Variants in FMNL2 observed in about 807,000 individuals in gnomAD.
The protein encoded by FMNL2 is formin like 2, also known as formin-like protein 2.
FMNL2 carries 51 observed loss-of-function variants against 130.2 expected under a neutral mutation model. The observed-to-expected ratio is 0.39, with a 90% CI of 0.31 to 0.49. The LOEUF is 0.49. Ranked by LOEUF, FMNL2 falls within the 20% of genes least tolerant of loss-of-function variation. The pLI is 0.85. For missense variants in FMNL2, 977 were observed against 1,316.2 expected, an observed-to-expected ratio of 0.74 and a Z score of 3.99; for synonymous variants, 465 against 467.1, an observed-to-expected ratio of 1.00 and a Z score of 0.06.
At chr2:152,411,250 A>G (rs1686276380) in intron 1 of FMNL2, among the ~76,000 whole-genome samples, 1 of 151,886 alleles carries the variant, frequency 6.6e-6, no homozygotes, top group Admixed American at 6.6e-5. Flanking sequence ...GGTAAATTAT[A>G]CTCCCTAATA....
rs114360793 is a variant in FMNL2, at chr2:152,537,228, C to A, written c.202-5511C>A. On this transcript the variant is annotated intron_variant, in intron 2 of 25. Coordinates refer to ENST00000288670, the MANE Select transcript of FMNL2 (RefSeq NM_052905.4). ...TAATTAATTTACTACACCCCTGTCACAGCCCGTCACTTAGTTCTTTTCACA... is the reference window on the plus strand; with the variant it reads ...TAATTAATTTACTACACCCCTGTCAAAGCCCGTCACTTAGTTCTTTTCACA... Among the ~76,000 whole-genome samples the A allele has an allele frequency of 8.5e-3, 1,289 of 152,344 alleles. 18 individuals carry two copies. Among genetic ancestry groups the A allele is most frequent in the African/African-American group, 0.028 (1,179 of 41,580 alleles).
intron 2 of FMNL2, among the ~76,000 whole-genome samples, chr2:152,523,605 A>G (rs565852371): frequency 2.6e-5 from 4 of 152,376 alleles, no homozygotes; most frequent in East Asian, 1.9e-4. Context: ...TCTCTATGCT[A>G]TAGGCATTGT....
intron 1 of FMNL2, among the ~76,000 whole-genome samples, chr2:152,437,298 G>A (rs1687819661): frequency 6.6e-6 from 1 of 152,112 alleles, no homozygotes; most frequent in African/African-American, 2.4e-5. Flanking sequence ...CATTTGATTT[G>A]CTGCTCTGTA....
chr2:152,633,350 C>T (rs1682313039), intron 21 of FMNL2, among the ~76,000 whole-genome samples: 1 of 152,188 alleles, frequency 6.6e-6, no homozygotes, highest in African/African-American at 2.4e-5. Context: ...CTCGCCTCAG[C>T]CTCCTAAAGT....
chr2:152,507,349 A>T (rs570438054), intron 1 of FMNL2, among the ~76,000 whole-genome samples: 5 of 152,270 alleles, frequency 3.3e-5, no homozygotes, highest in Admixed American at 2.6e-4. Flanking sequence ...CCAGCACTTT[A>T]CCCCTCCCTT....
intron 1 of FMNL2, among the ~76,000 whole-genome samples, chr2:152,366,064 T>C (rs538713670): frequency 2.4e-4 from 37 of 152,166 alleles, no homozygotes; most frequent in Admixed American, 8.5e-4. Flanking sequence ...CCTTGATCTG[T>C]AGAATGATGG....
intron 9 of FMNL2, 33 bp downstream of exon 9, chr2:152,581,082 C>A: frequency 6.4e-7 from 1 of 1,555,886 alleles, no homozygotes; most frequent in Non-Finnish European, 8.9e-7. Flanking sequence ...TAAGAATACT[C>A]ACACATCTTA....
At chr2:152,335,782 A>G (rs985958947) in intron 1 of FMNL2, 62 bp downstream of exon 1, 12 of 1,193,906 alleles carry the variant, frequency 1.0e-5, no homozygotes, top group Middle Eastern at 2.7e-4. Flanking sequence ...GGCGCAGCTG[A>G]CCCCCGCCCC....
intron 1 of FMNL2, among the ~76,000 whole-genome samples, chr2:152,338,533 A>T (rs1681607672): frequency 6.6e-6 from 1 of 152,126 alleles, no homozygotes; most frequent in Admixed American, 6.5e-5. Flanking sequence ...GAATATAAAA[A>T]ATTAGTGGGT....
chr2:152,637,371 T>C lies in FMNL2; in HGVS notation c.2845-202T>C, dbSNP rs561284920. On this transcript the variant is annotated intron_variant, in intron 22 of 25. Transcript: ENST00000288670. ...CAGATGAATTCCTGTGCCCCACTAT[T>C]GCATTCCTCGGATTGCCTCTGCTGA... Among the ~76,000 whole-genome samples the C allele has an allele frequency of 9.0e-4, 137 of 152,322 alleles. 1 individual carries two copies. The highest frequency in any genetic ancestry group is 3.2e-3 in the African/African-American group (133 of 41,576).
At position 152,442,321 on chromosome 2, in the gene FMNL2, G is replaced by A. The variant is rs538005137; in HGVS notation, c.118-79622G>A. On this transcript the variant is annotated intron_variant, in intron 1 of 25. Coordinates refer to ENST00000288670, the MANE Select transcript of FMNL2 (RefSeq NM_052905.4). ...GGCTGGAGTGCAATGGCGCGATCTTGGCTTACTGCGACCTCCTTCTCCCGG... is the reference window on the plus strand; with the variant it reads ...GGCTGGAGTGCAATGGCGCGATCTTAGCTTACTGCGACCTCCTTCTCCCGG... Among the ~76,000 whole-genome samples the A allele has an allele frequency of 6.0e-5, 9 of 150,742 alleles. No individual in the cohort carries two copies. The East Asian group carries it at 1.8e-3, about 29-fold the overall frequency.
At chr2:152,585,105 G>A (rs1050433855) in intron 9 of FMNL2, among the ~76,000 whole-genome samples, 14 of 152,278 alleles carry the variant, frequency 9.2e-5, no homozygotes, top group Non-Finnish European at 2.1e-4. Context: ...TGAGTGTATT[G>A]AGTAGATGAA....
chr2:152,647,957 C>A lies in FMNL2; in HGVS notation c.*52C>A. 5.6e-6 allele frequency: 8 copies of A among 1,424,582 alleles called. 1 individual carries two copies. In the South Asian group the frequency reaches 7.7e-5, roughly 14 times the overall value. 88.2% of individuals were successfully genotyped at this position (1,424,582 alleles called of 1,614,324 possible). A position where few individuals can be genotyped will look rare whatever the true frequency, so the allele number is the denominator to read the frequency against. Reference sequence around the variant, plus strand: ...GGGTGTGCGTGAATGAAACTGCCCACATGAACTTTATGTGCTACGATTTAA... The same window carrying A: ...GGGTGTGCGTGAATGAAACTGCCCAAATGAACTTTATGTGCTACGATTTAA... On this transcript the variant is annotated 3_prime_UTR_variant, in exon 26 of 26. Coordinates refer to ENST00000288670, the MANE Select transcript of FMNL2 (RefSeq NM_052905.4).
At chr2:152,495,057 T>C (rs1691427713) in intron 1 of FMNL2, among the ~76,000 whole-genome samples, 1 of 152,162 alleles carries the variant, frequency 6.6e-6, no homozygotes, top group African/African-American at 2.4e-5. Context: ...ACATAACACC[T>C]GGAAACGCAG....
At chr2:152,442,524 C>T (rs1480248845) in intron 1 of FMNL2, among the ~76,000 whole-genome samples, 1 of 152,104 alleles carries the variant, frequency 6.6e-6, no homozygotes, top group African/African-American at 2.4e-5. Flanking sequence ...GCTGGGATTA[C>T]AGGCGTGAGC....
intron 1 of FMNL2, among the ~76,000 whole-genome samples, chr2:152,387,455 A>G (rs1684847087): frequency 6.6e-6 from 1 of 152,246 alleles, no homozygotes; most frequent in African/African-American, 2.4e-5. Flanking sequence ...ATTAAGAACT[A>G]TCAGTCACAA....
At chr2:152,429,600 C>A (rs960727100) in intron 1 of FMNL2, among the ~76,000 whole-genome samples, 16 of 145,212 alleles carry the variant, frequency 1.1e-4, no homozygotes, top group African/African-American at 4.1e-4. Context: ...TAGCCCACTT[C>A]TTTTGTCTTT....
chr2:152,414,521 G>C (rs1380228229), intron 1 of FMNL2, among the ~76,000 whole-genome samples: 1 of 152,162 alleles, frequency 6.6e-6, no homozygotes, highest in Non-Finnish European at 1.5e-5. Flanking sequence ...GAAGCTTTCT[G>C]GTTTCCCATT....
intron 1 of FMNL2, among the ~76,000 whole-genome samples, chr2:152,351,988 A>G (rs1682514631): frequency 6.6e-6 from 1 of 152,216 alleles, no homozygotes; most frequent in African/African-American, 2.4e-5. Flanking sequence ...TATGCGTGTT[A>G]AAGTTTGAGA....
Sources: allele counts gnomAD v4.1 joint callset (sites outside exome capture counted in the v4.1 genomes callset), GRCh38; gene constraint gnomAD v4.1.1; transcripts MANE v1.5; gene names NCBI Gene and HGNC (gene_info 2026-07-23, HGNC 2026-07-21).